The following ANKRD42 variants were observed in gnomAD, a reference collection of about 807,000 sequenced individuals.
ANKRD42 encodes ankyrin repeat domain-containing protein 42.
Under a neutral mutation model 51.5 loss-of-function variants are expected in ANKRD42, and 43 were observed. The ratio of observed to expected loss-of-function variants is 0.83; its 90% CI spans 0.65 to 1.08. The LOEUF (loss-of-function observed/expected upper bound fraction) is 1.08, where lower values mean the gene tolerates loss of function less well. ANKRD42 is among the 50% of genes least tolerant of loss of function. The pLI is 0.00. For missense variants in ANKRD42, 608 were observed against 629.3 expected, an observed-to-expected ratio of 0.97 and a Z score of 0.36; for synonymous variants, 203 against 213.0, an observed-to-expected ratio of 0.95 and a Z score of 0.41.
At chr11:83,233,618 C>T (rs1252879217) in intron 7 of ANKRD42, among the ~76,000 whole-genome samples, 2 of 151,920 alleles carry the variant, frequency 1.3e-5, no homozygotes, top group Non-Finnish European at 2.9e-5. Context: ...TTTTCTTTTA[C>T]TAATTTTGTA....
At chr11:83,231,280 G>T (rs997534746) in intron 7 of ANKRD42, among the ~76,000 whole-genome samples, 4 of 152,094 alleles carry the variant, frequency 2.6e-5, no homozygotes, top group Non-Finnish European at 5.9e-5. Context: ...TATCTTATTT[G>T]TACTTTTGAT....
At position 83,193,776 on chromosome 11, in the gene ANKRD42, A is replaced by G. The variant is rs1861504959; in HGVS notation, c.-895A>G. ...AAGTGGCTGGAGTCGGGAGGCTGGA[A>G]AGAGACTCCGAGAAAGTACCAGCGG... On this transcript the variant is annotated 5_prime_UTR_variant, in exon 1 of 11. Coordinates refer to ENST00000533342, the MANE Select transcript of ANKRD42 (RefSeq NM_001300975.2). 1 of 448,676 alleles carries G rather than the reference A, an allele frequency of 2.2e-6. No individual in the cohort carries two copies. The highest frequency in any genetic ancestry group is 4.5e-6 in the Non-Finnish European group (1 of 223,552). The allele number at this position is 448,676 out of a possible 1,614,324, so 27.8% of individuals were successfully genotyped here. A position where few individuals can be genotyped will look rare whatever the true frequency, so the allele number is the denominator to read the frequency against.
chr11:83,233,383 T>C (rs1034712367), intron 7 of ANKRD42, among the ~76,000 whole-genome samples: 5 of 152,126 alleles, frequency 3.3e-5, no homozygotes, highest in African/African-American at 1.2e-4. Flanking sequence ...TAGTTACTCA[T>C]AGTAGCCACT....
chr11:83,255,021 C>A (rs1863742468), intron 11 of ANKRD42, among the ~76,000 whole-genome samples: 2 of 152,150 alleles, frequency 1.3e-5, no homozygotes, highest in Admixed American at 6.5e-5. Flanking sequence ...CTTACGTGTT[C>A]ACACACTATT....
chr11:83,196,827 A>T (rs1406792833), intron 1 of ANKRD42, among the ~76,000 whole-genome samples: 4 of 152,218 alleles, frequency 2.6e-5, no homozygotes, highest in African/African-American at 9.6e-5. Flanking sequence ...GATGGAGCCA[A>T]ATTATGGGAG....
chr11:83,243,046 C>T (rs1488904998), intron 9 of ANKRD42, among the ~76,000 whole-genome samples: 2 of 152,118 alleles, frequency 1.3e-5, no homozygotes, highest in Non-Finnish European at 1.5e-5. Flanking sequence ...TTTGAGAAAT[C>T]GCCAAACTGC....
chr11:83,244,432 G>C (rs1430725928), intron 9 of ANKRD42, among the ~76,000 whole-genome samples: 1 of 152,200 alleles, frequency 6.6e-6, no homozygotes, highest in East Asian at 1.9e-4. Flanking sequence ...ATTGGTGTTA[G>C]GAACAAGAGG....
At chr11:83,197,185 C>T (rs1861693435) in intron 1 of ANKRD42, among the ~76,000 whole-genome samples, 1 of 152,168 alleles carries the variant, frequency 6.6e-6, no homozygotes, top group Non-Finnish European at 1.5e-5. Context: ...ATGTTTCCTC[C>T]TCCTCTGTGA....
At chr11:83,217,644 C>A (rs769729424) in intron 5 of ANKRD42, among the ~76,000 whole-genome samples, 2 of 152,214 alleles carry the variant, frequency 1.3e-5, no homozygotes, top group Non-Finnish European at 2.9e-5. Flanking sequence ...CACCCTCAGG[C>A]CTGTTGCTGA....
Position 83,225,075 on chromosome 11 carries a change from G to T in ANKRD42, c.787+20G>T, listed in dbSNP as rs1443147553. On this transcript the variant is annotated intron_variant, in intron 6 of 10. Coordinates refer to ENST00000533342, the MANE Select transcript of ANKRD42 (RefSeq NM_001300975.2). The stretch of plus-strand genomic sequence containing the variant: ...AGGAAAGTAAGTAATTAAGTTATAT[G>T]TTCTAGCATATAATGTGATGATGAT... 1 of 1,587,370 alleles carries T rather than the reference G, an allele frequency of 6.3e-7. No individual in the cohort carries two copies. The highest frequency in any genetic ancestry group is 8.6e-7 in the Non-Finnish European group (1 of 1,159,322).
chr11:83,260,355 G>C (rs1863872346), downstream of ANKRD42: 1 of 152,114 alleles, frequency 6.6e-6, no homozygotes, highest in Non-Finnish European at 1.5e-5. Context: ...AGTATACTTT[G>C]TTACAGTGGA....
At chr11:83,223,616 A>G (rs1293819154) in intron 5 of ANKRD42, among the ~76,000 whole-genome samples, 8 of 152,252 alleles carry the variant, frequency 5.3e-5, no homozygotes, top group Admixed American at 3.9e-4. Flanking sequence ...AACTTTTGAC[A>G]TATGTTAGAA....
rs762073547 is a variant in ANKRD42 at position 83,194,697 on chromosome 11, C to T, written c.27C>T (p.Pro9=). ...TGCCCGGGGTGGCCAATTCAGGCCC[C>T]TCCACTTCCTCTAGGGAGACTGCAA... The part of the protein sequence containing the change: MPGVANSG[P]STSSRETANP... The change falls in exon 1 of 11, where the codon CCC becomes CCT. Residue 9 remains proline, a synonymous_variant. Transcript: ENST00000533342. The T allele has an allele frequency of 3.7e-6, 6 of 1,612,352 alleles. No individual in the cohort carries two copies. Among genetic ancestry groups the T allele is most frequent in the Non-Finnish European group, 5.1e-6 (6 of 1,179,146 alleles).
downstream of ANKRD42, chr11:83,262,103 C>T (rs1863961611): frequency 1.8e-6 from 1 of 571,206 alleles, no homozygotes; most frequent in Non-Finnish European, 3.0e-6. Flanking sequence ...TTTTTATTCC[C>T]TAGACAATTA....
intron 7 of ANKRD42, among the ~76,000 whole-genome samples, chr11:83,228,148 T>C (rs1279760009): frequency 6.6e-6 from 1 of 151,288 alleles, no homozygotes; most frequent in African/African-American, 2.4e-5. Context: ...ATGTGAAATG[T>C]ACTGCTAGAG....
At chr11:83,225,474 A>C (rs1862849791) in intron 6 of ANKRD42, among the ~76,000 whole-genome samples, 1 of 151,806 alleles carries the variant, frequency 6.6e-6, no homozygotes, top group Non-Finnish European at 1.5e-5. Flanking sequence ...CCGAGGTGGG[A>C]GGATGGATTG....
intron 5 of ANKRD42, among the ~76,000 whole-genome samples, chr11:83,220,514 C>T (rs371356789): frequency 5.3e-5 from 8 of 152,054 alleles, no homozygotes; most frequent in South Asian, 2.1e-4. Context: ...GGTGGCTGAC[C>T]GCGGTGAGTC....
intron 5 of ANKRD42, among the ~76,000 whole-genome samples, chr11:83,218,755 G>T (rs1181605941): frequency 6.6e-6 from 1 of 152,158 alleles, no homozygotes; most frequent in Non-Finnish European, 1.5e-5. Flanking sequence ...TGAGGGAAGA[G>T]GCCCTCAGTA....
chr11:83,255,654 A>G (rs1468654797), intron 11 of ANKRD42, among the ~76,000 whole-genome samples: 1 of 152,204 alleles, frequency 6.6e-6, no homozygotes, highest in Non-Finnish European at 1.5e-5. Context: ...TAGTGATATG[A>G]TTCAGCACAA....
Sources: gnomAD v4.1 joint callset for allele counts (sites outside exome capture counted in the v4.1 genomes callset) on GRCh38, gnomAD v4.1.1 for gene constraint, MANE v1.5 for transcripts, NCBI Gene and HGNC (gene_info 2026-07-23, HGNC 2026-07-21) for gene names.